The following LOXL2 variants were observed in gnomAD, a reference collection of about 807,000 sequenced individuals.
LOXL2 encodes the protein lysyl oxidase like 2, also known as lysyl oxidase homolog 2.
LOXL2 carries 70 observed loss-of-function variants against 93.0 expected under a neutral mutation model. The ratio of observed to expected loss-of-function variants is 0.75; its 90% CI spans 0.62 to 0.92. The LOEUF (loss-of-function observed/expected upper bound fraction) is 0.92. LOXL2 is among the 40% of genes least tolerant of loss of function. The pLI is 0.00. For missense variants in LOXL2, 973 were observed against 1,054.9 expected (o/e 0.92, Z 1.08); for synonymous variants, 438 against 413.2 (o/e 1.06, Z -0.73).
At chr8:23,378,781 T>G (rs1005223918) in intron 1 of LOXL2, among the ~76,000 whole-genome samples, 11 of 152,260 alleles carry the variant, frequency 7.2e-5, no homozygotes, top group Non-Finnish European at 1.5e-4. Context: ...GCCATGGTTT[T>G]CAGCTCCATC....
In LOXL2 at chr8:23,378,635, G is replaced by A. The variant is rs539014761; in HGVS notation, c.-83-10201C>T. On this transcript the variant is annotated intron_variant, in intron 1 of 13. Coordinates refer to ENST00000389131, the MANE Select transcript of LOXL2 (RefSeq NM_002318.3). The stretch of plus-strand genomic sequence containing the variant: ...CCCATATTTCTTGGAGGCTTTGTTC[G>A]TTTCTTTTTACTCTTTTTTCTCTAA... Among the ~76,000 whole-genome samples, 925 of 152,172 alleles carry A rather than the reference G, an allele frequency of 6.1e-3. 4 individuals carry two copies. The highest frequency in any genetic ancestry group is 8.6e-3 in the Non-Finnish European group (583 of 67,996).
chr8:23,386,060 A>G (rs1173452509), intron 1 of LOXL2: 6 of 765,026 alleles, frequency 7.8e-6, no homozygotes, highest in Admixed American at 5.1e-5. Context: ...GGAAAAACCG[A>G]GAGACAGAAA....
chr8:23,400,024 C>T (rs1468329421), intron 1 of LOXL2, among the ~76,000 whole-genome samples: 1 of 152,228 alleles, frequency 6.6e-6, no homozygotes, highest in Non-Finnish European at 1.5e-5. Flanking sequence ...AGCGTAACAG[C>T]AGAACATCTA....
chr8:23,360,464 G>T (rs1480436494), intron 2 of LOXL2, among the ~76,000 whole-genome samples, 199 bp from the exon 3 acceptor site: 1 of 152,214 alleles, frequency 6.6e-6, no homozygotes, highest in Non-Finnish European at 1.5e-5. Flanking sequence ...AGCACCTGAT[G>T]TGATCTGGGA....
chr8:23,368,436 T>C lies in LOXL2; in HGVS notation c.-83-2A>G, dbSNP rs1320628112. On this transcript the variant is annotated splice_acceptor_variant, in intron 1 of 13. Transcript: ENST00000389131. LOFTEE classifies it low-confidence loss of function (5UTR_SPLICE). ...GGGTACAGAAGCAGCAGGAGCTTTC[T>C]GGAAGAGAGGAGAGATGCGTTAGGA... 11 of 1,166,424 alleles carry C rather than the reference T, an allele frequency of 9.4e-6. No homozygotes were observed. The highest frequency in any genetic ancestry group is 1.4e-5 in the Non-Finnish European group (11 of 794,568). 72.3% of individuals were successfully genotyped at this position (1,166,424 alleles called of 1,614,324 possible).
intron 1 of LOXL2, among the ~76,000 whole-genome samples, chr8:23,402,003 A>G (rs942500439): frequency 1.3e-5 from 2 of 149,794 alleles, no homozygotes; most frequent in Non-Finnish European, 1.5e-5. Flanking sequence ...TGCATGCACA[A>G]ACACACATAT....
At chr8:23,380,736 G>C (rs1223814221) in intron 1 of LOXL2, among the ~76,000 whole-genome samples, 1 of 152,254 alleles carries the variant, frequency 6.6e-6, no homozygotes, top group South Asian at 2.1e-4. Flanking sequence ...AATAAGGGCT[G>C]GGCACAGTGG....
chr8:23,323,553 G>A (rs4313166), intron 6 of LOXL2, among the ~76,000 whole-genome samples: 110,387 of 152,118 alleles, frequency 0.73, 40,214 homozygotes, highest in Non-Finnish European at 0.76. Context: ...TCAAGCGGCA[G>A]TGAGCTGGGC....
chr8:23,388,619 A>G (rs1049551085), intron 1 of LOXL2, among the ~76,000 whole-genome samples: 3 of 97,350 alleles, frequency 3.1e-5, no homozygotes, highest in Admixed American at 2.7e-4. Flanking sequence ...AGCAAAAAAT[A>G]TACTCACACA....
At chr8:23,302,376 C>T (rs1314112546) in intron 11 of LOXL2, among the ~76,000 whole-genome samples, 2 of 152,184 alleles carry the variant, frequency 1.3e-5, no homozygotes, top group South Asian at 2.1e-4. Flanking sequence ...CTCAAGTTCC[C>T]CTTCCTCCAT....
At chr8:23,315,177 GGGAAAGACAT>G (rs1803376312) in intron 9 of LOXL2, among the ~76,000 whole-genome samples, 1 of 152,154 alleles carries the variant, frequency 6.6e-6, no homozygotes, top group Non-Finnish European at 1.5e-5. Context: ...AACAGTGGCA[GGGAAAGACAT>G]ACAGAAGGTT....
chr8:23,333,902 A>AAAT (rs566357122), intron 4 of LOXL2, among the ~76,000 whole-genome samples: 5 of 152,344 alleles, frequency 3.3e-5, no homozygotes, highest in Admixed American at 3.3e-4. Flanking sequence ...CAATGTGGTG[A>AAAT]AATAATAATA....
chr8:23,330,193 GT>G (rs1803648739), intron 5 of LOXL2, among the ~76,000 whole-genome samples: 2 of 152,284 alleles, frequency 1.3e-5, no homozygotes, highest in East Asian at 3.9e-4. Flanking sequence ...AATTAGCCAG[GT>G]GCGGTGGCGG....
At chr8:23,321,541 G>A (rs555247277) in intron 7 of LOXL2, among the ~76,000 whole-genome samples, 5 of 152,282 alleles carry the variant, frequency 3.3e-5, no homozygotes, top group Admixed American at 2.6e-4. Context: ...ACAATGGAGC[G>A]TATGGGACCT....
At chr8:23,383,945 C>T (rs930496177) in intron 1 of LOXL2, among the ~76,000 whole-genome samples, 9 of 152,140 alleles carry the variant, frequency 5.9e-5, no homozygotes, top group African/African-American at 1.4e-4. Context: ...CAGGCGTGAG[C>T]CACCGTGCCC....
chr8:23,308,532 T>TTTCC (rs1485961827), intron 10 of LOXL2, among the ~76,000 whole-genome samples: 3 of 152,182 alleles, frequency 2.0e-5, no homozygotes, highest in Non-Finnish European at 4.4e-5. Context: ...TCTCCCTTCC[T>TTTCC]TTCCAAGGGT....
At position 23,368,115 on chromosome 8, in the gene LOXL2, C is replaced by A. The variant is rs757164515; in HGVS notation, c.237G>T (p.Gln79His). ...EGRVEVYYDGQWGTVCDDDFS... is the reference protein window; with the variant it reads ...EGRVEVYYDGHWGTVCDDDFS... ...AGTCGTCATCGCACACGGTGCCCCA[C>A]TGGCCATCATAGTACACCTCCACCC... The change falls in exon 2 of 14, where the codon CAG becomes CAT. Residue 79 changes from glutamine (Q) to histidine (H), a missense_variant. By Grantham distance (24) the Gln-to-His change is conservative (BLOSUM62 0). Transcript: ENST00000389131. The A allele has an allele frequency of 6.2e-7, 1 of 1,614,156 alleles. No homozygotes were observed. Among genetic ancestry groups the A allele is most frequent in the Non-Finnish European group, 8.5e-7 (1 of 1,180,046 alleles).
chr8:23,389,521 G>A (rs993351974), intron 1 of LOXL2, among the ~76,000 whole-genome samples: 4 of 152,136 alleles, frequency 2.6e-5, no homozygotes, highest in South Asian at 2.1e-4. Context: ...CTTGTGGCAC[G>A]CAGTCGAATA....
intron 1 of LOXL2, among the ~76,000 whole-genome samples, chr8:23,384,900 C>T (rs1044395929): frequency 1.3e-5 from 2 of 152,072 alleles, no homozygotes; most frequent in Non-Finnish European, 2.9e-5. Context: ...AGTGAAACTC[C>T]GTCTCAAGAA....
Sources: gnomAD v4.1 joint callset for allele counts (sites outside exome capture counted in the v4.1 genomes callset) on GRCh38, gnomAD v4.1.1 for gene constraint, MANE v1.5 for transcripts, NCBI Gene and HGNC (gene_info 2026-07-23, HGNC 2026-07-21) for gene names.